The following C5 variants were observed in gnomAD, a reference collection of about 807,000 sequenced individuals.
C5 encodes C3 and PZP-like alpha-2-macroglobulin domain-containing protein 4.
C5 carries 140 observed loss-of-function variants against 218.8 expected under a neutral mutation model. That is an observed-to-expected ratio of 0.64 (90% CI 0.56 to 0.74). The LOEUF (loss-of-function observed/expected upper bound fraction) is 0.74. Among genes scored for constraint, C5 ranks in the 30% least tolerant of loss-of-function variants. The pLI is 0.00. For missense variants in C5, 1,700 were observed against 1,969.6 expected (o/e 0.86, Z 2.59); for synonymous variants, 614 against 682.3 (o/e 0.90, Z 1.56).
chr9:121,055,686 T>A, the C5 span, among the ~76,000 whole-genome samples: 1 of 152,172 alleles, frequency 6.6e-6, no homozygotes, highest in Non-Finnish European at 1.5e-5. Flanking sequence ...GGATTCACCA[T>A]CTGCTGACTA....
intron 29 of C5, among the ~76,000 whole-genome samples, chr9:120,975,358 T>C (rs2046945531): frequency 6.6e-6 from 1 of 152,186 alleles, no homozygotes; most frequent in African/African-American, 2.4e-5. Flanking sequence ...TCTCAATTTG[T>C]AATGCTTTTA....
chr9:121,027,495 T>G lies in C5; in HGVS notation c.759-221A>C, dbSNP rs1055395388. ...AGCATGGTACTGGTACCAAAACAGA[T>G]ATATAGACCAATGGAACAGAACAGA... is the stretch of plus-strand genomic sequence containing the variant. On this transcript the variant is annotated intron_variant, in intron 7 of 40. Coordinates refer to ENST00000223642, the MANE Select transcript of C5 (RefSeq NM_001735.3). Among the ~76,000 whole-genome samples, 9 of 152,092 alleles carry G rather than the reference T, an allele frequency of 5.9e-5. 1 individual carries two copies. The South Asian group carries it at 1.0e-3, about 18-fold the overall frequency.
intron 14 of C5, 116 bp downstream of exon 14, chr9:121,017,246 A>C: frequency 3.3e-6 from 4 of 1,196,608 alleles, no homozygotes; most frequent in Non-Finnish European, 4.9e-6. Context: ...CCTAAAAATG[A>C]GTATGTTGAG....
In C5 at chr9:121,016,380, A is replaced by T. The variant is rs778452531; in HGVS notation, c.1870T>A (p.Phe624Ile). 2.5e-6 allele frequency: 4 copies of T among 1,614,024 alleles called. No individual in the cohort carries two copies. In the East Asian group the frequency reaches 8.9e-5, roughly 36 times the overall value. The change falls in exon 15 of 41, where the codon TTT (phenylalanine) becomes ATT (isoleucine). Residue 624 changes from phenylalanine (F) to isoleucine (I), a missense_variant. Physicochemically the swap from Phe to Ile is conservative, Grantham distance 21. Coordinates refer to ENST00000223642, the MANE Select transcript of C5 (RefSeq NM_001735.3). Reference sequence around the variant, plus strand: ...AGATCACTCTTCTCTAAGAATTGAAATACCTGTCCAGAAAGGCAAAATGTT... The same window carrying T: ...AGATCACTCTTCTCTAAGAATTGAATTACCTGTCCAGAAAGGCAAAATGTT... ...RGAKKPLERV[F>I]QFLEKSDLGC...
intron 25 of C5, among the ~76,000 whole-genome samples, chr9:120,983,835 T>A (rs565498637): frequency 1.6e-4 from 25 of 152,232 alleles, no homozygotes; most frequent in African/African-American, 5.8e-4. Flanking sequence ...AAGGGATATT[T>A]TATGAAAAGT....
intron 20 of C5, among the ~76,000 whole-genome samples, chr9:121,004,855 G>A (rs1360354252): frequency 6.6e-6 from 1 of 152,084 alleles, no homozygotes; most frequent in Non-Finnish European, 1.5e-5. Flanking sequence ...TGATAAAACA[G>A]TTTTATTTTA....
At chr9:121,041,947 C>T (rs1334891268) in intron 3 of C5, among the ~76,000 whole-genome samples, 2 of 152,178 alleles carry the variant, frequency 1.3e-5, no homozygotes, top group Admixed American at 1.3e-4. Context: ...AACAAATGCT[C>T]CTGCTGAAAC....
intron 29 of C5, 103 bp from the exon 30 acceptor site, chr9:120,975,034 A>G (rs1564136557): frequency 7.6e-7 from 1 of 1,310,044 alleles, no homozygotes; most frequent in East Asian, 2.3e-5. Flanking sequence ...TTGTCTGGAG[A>G]TGAAACTCCA....
At position 121,043,097 on chromosome 9, in the gene C5, G is replaced by T. The variant is rs143947726; in HGVS notation, c.328C>A (p.His110Asn). 3.1e-4 allele frequency: 495 copies of T among 1,612,920 alleles called. 2 individuals are homozygous for T. The African/African-American group carries it at 6.0e-3, about 19-fold the overall frequency. Residue 110 changes from histidine to asparagine, a missense_variant, in exon 3 of 41, where the codon CAT (histidine) becomes AAT (asparagine). By Grantham distance (68) the His-to-Asn change is moderately conservative. Coordinates refer to ENST00000223642, the MANE Select transcript of C5 (RefSeq NM_001735.3). Reference sequence around the variant, plus strand: ...GGCATTCTTTTTGATTTTGAAAAATGCTTTGATACAACTTCCAAATACACA... The same window carrying T: ...GGCATTCTTTTTGATTTTGAAAAATTCTTTGATACAACTTCCAAATACACA... ...SYVYLEVVSK[H>N]FSKSKRMPIT...
intron 7 of C5, among the ~76,000 whole-genome samples, chr9:121,028,643 A>G (rs2131792143): frequency 6.6e-6 from 1 of 152,194 alleles, no homozygotes; most frequent in Admixed American, 6.5e-5. Flanking sequence ...GAACTGAACA[A>G]TGAAAACACT....
chr9:120,989,730 T>C lies in C5; in HGVS notation c.2992A>G (p.Asn998Asp), dbSNP rs772374367. ...LSAVLSQEGI[N>D]ILTHLPKGSA... ...CCTTTGGGGAGGTGGGTTAGGATATTGATGCCTTCCTGACTTAGAACTGCA... is the reference window on the plus strand; with the variant it reads ...CCTTTGGGGAGGTGGGTTAGGATATCGATGCCTTCCTGACTTAGAACTGCA... Residue 998 changes from asparagine (N) to aspartate (D), a missense_variant, in exon 24 of 41, where the codon AAT (asparagine) becomes GAT (aspartate). Transcript: ENST00000223642. The C allele has an allele frequency of 1.9e-6, 3 of 1,614,144 alleles. No individual in the cohort carries two copies. The highest frequency in any genetic ancestry group is 1.1e-5 in the South Asian group (1 of 91,078).
intron 27 of C5, 62 bp downstream of exon 27, chr9:120,981,782 C>T (rs2046995485): frequency 1.8e-6 from 2 of 1,084,174 alleles, no homozygotes; most frequent in Non-Finnish European, 2.9e-6. Flanking sequence ...TGATTGGTGG[C>T]CCCTCCAGTA....
chr9:121,003,444 T>C (rs1457896013), intron 20 of C5, among the ~76,000 whole-genome samples: 1 of 152,228 alleles, frequency 6.6e-6, no homozygotes, highest in East Asian at 1.9e-4. Context: ...TATGGAAAAG[T>C]TCATTTTTAC....
At chr9:120,956,717 C>G (rs2046787395) in intron 39 of C5, among the ~76,000 whole-genome samples, 1 of 152,092 alleles carries the variant, frequency 6.6e-6, no homozygotes, top group Non-Finnish European at 1.5e-5. Context: ...GACACGTAGA[C>G]CAATGGAACA....
At chr9:121,044,674 C>T (rs559093733) in intron 2 of C5, among the ~76,000 whole-genome samples, 48 of 152,186 alleles carry the variant, frequency 3.2e-4, no homozygotes, top group Non-Finnish European at 5.1e-4. Flanking sequence ...TATGTATTGA[C>T]TATGATTGCC....
At chr9:121,010,943 A>G (rs1201207927) in intron 17 of C5, among the ~76,000 whole-genome samples, 1 of 152,200 alleles carries the variant, frequency 6.6e-6, no homozygotes, top group Non-Finnish European at 1.5e-5. Context: ...GAAGAATGAA[A>G]CGTGACCCTT....
chr9:121,016,500 T>A, intron 14 of C5, 117 bp from the exon 15 acceptor site: 1 of 1,351,326 alleles, frequency 7.4e-7, no homozygotes, highest in Non-Finnish European at 1.0e-6. Flanking sequence ...ACAGATGATA[T>A]TTTTCAAATG....
chr9:120,992,017 G>T (rs1033537890), intron 22 of C5, among the ~76,000 whole-genome samples: 2 of 152,234 alleles, frequency 1.3e-5, no homozygotes, highest in Non-Finnish European at 2.9e-5. Context: ...AACTCCAGAA[G>T]TTTTGCTGCA....
the C5 span, among the ~76,000 whole-genome samples, chr9:121,063,646 C>G: frequency 1.3e-5 from 2 of 152,026 alleles, no homozygotes; most frequent in Non-Finnish European, 1.5e-5. Flanking sequence ...ATAGAGCAAC[C>G]TGGAAAATTT....
Sources: allele counts gnomAD v4.1 joint callset (sites outside exome capture counted in the v4.1 genomes callset), GRCh38; gene constraint gnomAD v4.1.1; transcripts MANE v1.5; gene names NCBI Gene and HGNC (gene_info 2026-07-23, HGNC 2026-07-21).